The following ZC4H2 variants were observed in gnomAD, a reference collection of about 807,000 sequenced individuals.
ZC4H2 encodes zinc finger C4H2 domain-containing protein.
For missense variants in ZC4H2, 137 were observed against 173.9 expected, an observed-to-expected ratio of 0.79 and a Z score of 1.19; for synonymous variants, 84 against 66.3, an observed-to-expected ratio of 1.27 and a Z score of -1.30.
chrX:64,930,208 T>G (rs1929678169), intron 1 of ZC4H2, among the ~76,000 whole-genome samples: 1 of 112,044 alleles, frequency 8.9e-6, no homozygotes, highest in South Asian at 3.7e-4. Context: ...CTGATTTGTG[T>G]ACATTGATGT....
At chrX:64,965,949 C>A (rs368042401) in intron 1 of ZC4H2, among the ~76,000 whole-genome samples, 457 of 37,194 alleles carry the variant, frequency 0.012, no homozygotes, top group African/African-American at 0.033. Context: ...AACAAAGAAG[C>A]AAAAAAAAAA....
At position 64,942,312 on chromosome X, in the gene ZC4H2, A is replaced by T. The variant is rs1930325776; in HGVS notation, c.54-20324T>A. Among the ~76,000 whole-genome samples, 3 of 110,310 alleles carry T rather than the reference A, an allele frequency of 2.7e-5. No individual in the cohort carries two copies. In the South Asian group the frequency reaches 1.2e-3, roughly 42 times the overall value. Reference sequence around the variant, plus strand: ...TTTTTATTAGTCTGGCTAGCCGTCTATTTTGTTAATCTTTCCCAAAACCAG... The same window carrying T: ...TTTTTATTAGTCTGGCTAGCCGTCTTTTTTGTTAATCTTTCCCAAAACCAG... On this transcript the variant is annotated intron_variant, in intron 1 of 4. Coordinates refer to ENST00000374839, the MANE Select transcript of ZC4H2 (RefSeq NM_018684.4).
At chrX:65,033,077 C>T (rs1932956660) in intron 1 of ZC4H2, among the ~76,000 whole-genome samples, 1 of 111,726 alleles carries the variant, frequency 9.0e-6, no homozygotes, top group African/African-American at 3.2e-5. Context: ...ATGCCTGGCC[C>T]TCCACTAATG....
At chrX:64,929,845 C>T (rs1361129548) in intron 1 of ZC4H2, among the ~76,000 whole-genome samples, 1 of 111,326 alleles carries the variant, frequency 9.0e-6, no homozygotes, top group Non-Finnish European at 1.9e-5. Context: ...TTGCTTTAGC[C>T]ATGTGGGCTC....
intron 1 of ZC4H2, among the ~76,000 whole-genome samples, chrX:65,012,449 A>G (rs2147286663): frequency 9.0e-6 from 1 of 111,413 alleles, no homozygotes; most frequent in East Asian, 2.8e-4. Flanking sequence ...TAACACACTT[A>G]GAAGAACCAA....
upstream of ZC4H2, among the ~76,000 whole-genome samples, chrX:64,977,389 G>A (rs1931982671): frequency 8.9e-6 from 1 of 111,979 alleles, no homozygotes; most frequent in Admixed American, 9.4e-5. Context: ...GGGAGATGTA[G>A]TATTTAGAAA....
chrX:64,997,342 A>T (rs1332691531), intron 1 of ZC4H2, among the ~76,000 whole-genome samples: 8 of 112,356 alleles, frequency 7.1e-5, no homozygotes, highest in Non-Finnish European at 1.5e-4. Context: ...ATGAGAAAAC[A>T]TATAGGAAGT....
At chrX:64,938,739 C>G (rs148045698) in intron 1 of ZC4H2, among the ~76,000 whole-genome samples, 1,128 of 111,646 alleles carry the variant, frequency 0.01, 23 homozygotes, top group African/African-American at 0.035. Flanking sequence ...ATTCAACACC[C>G]CTTTATGCTA....
intron 1 of ZC4H2, among the ~76,000 whole-genome samples, chrX:64,997,194 C>T (rs1338890492): frequency 8.9e-6 from 1 of 111,900 alleles, no homozygotes; most frequent in Non-Finnish European, 1.9e-5. Flanking sequence ...AGTGGGAAAA[C>T]ATTTAAATTG....
At chrX:64,931,794 T>C (rs767314982) in intron 1 of ZC4H2, among the ~76,000 whole-genome samples, 5 of 111,635 alleles carry the variant, frequency 4.5e-5, no homozygotes, top group African/African-American at 9.7e-5. Context: ...TTGGAGAATG[T>C]TCCATACACT....
intron 1 of ZC4H2, among the ~76,000 whole-genome samples, chrX:65,029,158 A>G (rs1932910319): frequency 9.0e-6 from 1 of 111,535 alleles, no homozygotes; most frequent in African/African-American, 3.3e-5. Flanking sequence ...TAAATAAAAA[A>G]TATAAAGAGG....
At chrX:64,993,073 C>T (rs754315576) in intron 1 of ZC4H2, among the ~76,000 whole-genome samples, 3 of 112,208 alleles carry the variant, frequency 2.7e-5, no homozygotes, top group Non-Finnish European at 5.6e-5. Flanking sequence ...CATAGAGTTG[C>T]AAGATTTAGC....
At chrX:64,987,174 C>T (rs749302878) in intron 1 of ZC4H2, among the ~76,000 whole-genome samples, 2 of 110,167 alleles carry the variant, frequency 1.8e-5, no homozygotes, top group African/African-American at 6.6e-5. Context: ...GTGATCCGCC[C>T]GTCTCAGCTT....
At position 64,999,231 on chromosome X, in the gene ZC4H2, G is replaced by A. The variant is rs148881825; in HGVS notation, c.-272+35398C>T. Among the ~76,000 whole-genome samples, 83 of 110,662 alleles carry A rather than the reference G, an allele frequency of 7.5e-4. No homozygotes were observed. The East Asian group carries it at 0.022, about 30-fold the overall frequency. ...GCGGGAGATTTCTGCATTTCCAACT[G>A]AGGTACGTGGCTCATCTCACTGGGA... On this transcript the variant is annotated intron_variant, in intron 1 of 4. Transcript: ENST00000337990.
intron 1 of ZC4H2, among the ~76,000 whole-genome samples, chrX:65,008,721 T>G (rs1932709602): frequency 8.9e-6 from 1 of 112,222 alleles, no homozygotes; most frequent in South Asian, 3.7e-4. Flanking sequence ...CATAGAATGA[T>G]AAATATCACA....
chrX:64,976,347 A>T lies in ZC4H2; in HGVS notation c.31T>A (p.Leu11Met). Residue 11 changes from leucine (L) to methionine (M), a missense_variant, in exon 1 of 5, where the codon TTG (leucine) becomes ATG (methionine). Leu to Met is a conservative substitution (Grantham distance 15). Transcript: ENST00000374839. MADEQEIMCKLESIKEIRNKT... is the reference protein window; with the variant it reads MADEQEIMCKMESIKEIRNKT... ...TACCTGATCTCTTTAATGCTTTCCA[A>T]TTTGCACATGATTTCTTGCTCATCT... 1 of 1,211,444 alleles carries T rather than the reference A, an allele frequency of 8.3e-7. No homozygotes were observed. The highest frequency in any genetic ancestry group is 1.1e-6 in the Non-Finnish European group (1 of 895,382).
In ZC4H2 at chrX:64,938,348, C is replaced by T. The variant is rs145841485; in HGVS notation, c.54-16360G>A. Among the ~76,000 whole-genome samples, 933 of 111,873 alleles carry T rather than the reference C, an allele frequency of 8.3e-3. 11 individuals are homozygous for T. The highest frequency in any genetic ancestry group is 0.043 in the Admixed American group (449 of 10,529). On this transcript the variant is annotated intron_variant, in intron 1 of 4. Coordinates refer to ENST00000374839, the MANE Select transcript of ZC4H2 (RefSeq NM_018684.4). ...CAGACGGATTCACAGCCGAATTCTA[C>T]CAGAGGTACAAAGAGCAGCTTATAC...
intron 1 of ZC4H2, among the ~76,000 whole-genome samples, chrX:64,972,949 C>CA (rs1370606633): frequency 9.0e-6 from 1 of 111,616 alleles, no homozygotes; most frequent in Non-Finnish European, 1.9e-5. Context: ...GTAAAATTGT[C>CA]AAAAGCAGTT....
chrX:64,919,382 G>T, intron 3 of ZC4H2, 178 bp from the exon 4 acceptor site: 1 of 468,958 alleles, frequency 2.1e-6, no homozygotes, highest in Non-Finnish European at 3.5e-6. Flanking sequence ...CTGATGAGAA[G>T]GGTAATCCTC....
Sources: allele counts gnomAD v4.1 joint callset (sites outside exome capture counted in the v4.1 genomes callset), GRCh38; gene constraint gnomAD v4.1.1; transcripts MANE v1.5; gene names NCBI Gene and HGNC (gene_info 2026-07-23, HGNC 2026-07-21).